NR6A1: variants seen among roughly 807,000 people sequenced by gnomAD.
NR6A1 encodes retinoic acid receptor-related testis-associated receptor.
A neutral mutation model predicts 59.1 loss-of-function variants in NR6A1; 7 were observed. The ratio of observed to expected loss-of-function variants is 0.12; its 90% CI spans 0.07 to 0.22. The LOEUF is 0.22. NR6A1 is among the 10% of genes least tolerant of loss of function. The probability of loss-of-function intolerance (pLI) is 1.00; values close to 1 mark genes in which losing one functional copy is unlikely to be tolerated. For missense variants in NR6A1, 468 were observed against 611.6 expected (o/e 0.77, Z 2.48); for synonymous variants, 243 against 236.1 (o/e 1.03, Z -0.27).
chr9:124,575,079 T>C lies in NR6A1; in HGVS notation c.143-20509A>G, dbSNP rs1834550442. 1.3e-5 allele frequency among the ~76,000 whole-genome samples: 2 copies of C among 152,196 alleles called. 1 individual carries two copies. The highest frequency in any genetic ancestry group is 4.1e-4 in the South Asian group (2 of 4,830). Reference sequence around the variant, plus strand: ...TGTGATGTTCCTGCCTATTGAAATATGGGCTTTCCCTCTTAGCTCTGGGAC... The same window carrying C: ...TGTGATGTTCCTGCCTATTGAAATACGGGCTTTCCCTCTTAGCTCTGGGAC... On this transcript the variant is annotated intron_variant, in intron 2 of 9. Coordinates refer to ENST00000487099, the MANE Select transcript of NR6A1 (RefSeq NM_033334.4).
intron 1 of NR6A1, among the ~76,000 whole-genome samples, chr9:124,763,047 T>A (rs1840823822): frequency 6.6e-6 from 1 of 152,226 alleles, no homozygotes; most frequent in Non-Finnish European, 1.5e-5. Flanking sequence ...TTATTTCAAG[T>A]ATTCCATGAA....
At chr9:124,663,914 T>A (rs576631441) in intron 2 of NR6A1, among the ~76,000 whole-genome samples, 1 of 151,320 alleles carries the variant, frequency 6.6e-6, no homozygotes, top group South Asian at 2.1e-4. Flanking sequence ...CCATTAAGTA[T>A]AAAAAAAAAG....
At chr9:124,705,171 C>T (rs1012872143) in intron 2 of NR6A1, among the ~76,000 whole-genome samples, 2 of 152,182 alleles carry the variant, frequency 1.3e-5, no homozygotes, top group African/African-American at 2.4e-5. Flanking sequence ...GTATATTTTG[C>T]ATAAAGTGTT....
At chr9:124,634,336 CT>C (rs1243973203) in intron 2 of NR6A1, among the ~76,000 whole-genome samples, 2 of 152,172 alleles carry the variant, frequency 1.3e-5, no homozygotes, top group Admixed American at 1.3e-4. Flanking sequence ...GAAATGTTTT[CT>C]TTTAAATTTT....
At chr9:124,587,052 T>TA (rs1834958445) in intron 2 of NR6A1, among the ~76,000 whole-genome samples, 2 of 152,342 alleles carry the variant, frequency 1.3e-5, no homozygotes, top group South Asian at 4.1e-4. Context: ...GAAACGGCCA[T>TA]AGCCATCCCC....
At chr9:124,636,814 T>C (rs978602622) in intron 2 of NR6A1, among the ~76,000 whole-genome samples, 3 of 152,220 alleles carry the variant, frequency 2.0e-5, no homozygotes, top group Non-Finnish European at 2.9e-5. Context: ...GTCTTGATTA[T>C]GGTACCCTCA....
intron 2 of NR6A1, among the ~76,000 whole-genome samples, chr9:124,711,050 A>T (rs1241722018): frequency 6.6e-6 from 1 of 152,082 alleles, no homozygotes; most frequent in Non-Finnish European, 1.5e-5. Flanking sequence ...AACCATACCC[A>T]ATTGTTAAAG....
chr9:124,667,000 T>C (rs1028682652), intron 2 of NR6A1, among the ~76,000 whole-genome samples: 1 of 152,112 alleles, frequency 6.6e-6, no homozygotes, highest in Non-Finnish European at 1.5e-5. Context: ...GTAGTAGCTA[T>C]GGTTTTACAA....
At chr9:124,672,472 G>A (rs952177206) in intron 2 of NR6A1, among the ~76,000 whole-genome samples, 2 of 152,058 alleles carry the variant, frequency 1.3e-5, no homozygotes, top group Admixed American at 1.3e-4. Context: ...AAAATTAGCC[G>A]AGTGTGATGG....
chr9:124,683,412 A>C (rs142838182), intron 2 of NR6A1, among the ~76,000 whole-genome samples: 352 of 152,356 alleles, frequency 2.3e-3, no homozygotes, highest in African/African-American at 8.3e-3. Flanking sequence ...AGTTTGGTCA[A>C]GTAATTACAA....
chr9:124,673,829 T>C (rs573100956), intron 2 of NR6A1, among the ~76,000 whole-genome samples: 4 of 152,292 alleles, frequency 2.6e-5, no homozygotes, highest in African/African-American at 9.6e-5. Context: ...AGGGCAATAA[T>C]TAATCAACAA....
intron 2 of NR6A1, among the ~76,000 whole-genome samples, chr9:124,703,113 C>A (rs1252530290): frequency 2.6e-5 from 4 of 151,970 alleles, no homozygotes; most frequent in Middle Eastern, 3.4e-3. Flanking sequence ...CCATGTTGGT[C>A]AAGCTGGTCT....
Position 124,520,904 on chromosome 9 carries a change from G to A in NR6A1, c.*1801C>T, listed in dbSNP as rs1246886900. The A allele has an allele frequency of 1.3e-5, 2 of 152,316 alleles. No homozygotes were observed. Among genetic ancestry groups the A allele is most frequent in the Non-Finnish European group, 2.9e-5 (2 of 68,036 alleles). The allele number at this position is 152,316 out of a possible 1,614,324, so 9.4% of individuals were successfully genotyped here. A position where few individuals can be genotyped will look rare whatever the true frequency, so the allele number is the denominator to read the frequency against. ...AAACGGCATTGAGGAGTAATGTTCC[G>A]AGTTTTAGATCCATCAAGGGCCAAA... is the stretch of plus-strand genomic sequence containing the variant. On this transcript the variant is annotated 3_prime_UTR_variant, in exon 10 of 10. Coordinates refer to ENST00000487099, the MANE Select transcript of NR6A1 (RefSeq NM_033334.4).
intron 2 of NR6A1, among the ~76,000 whole-genome samples, chr9:124,619,026 A>G (rs1203385065): frequency 2.6e-5 from 4 of 152,214 alleles, no homozygotes; most frequent in African/African-American, 7.2e-5. Flanking sequence ...AAGTAATGCC[A>G]TAAGTAAGCA....
intron 2 of NR6A1, 103 bp downstream of exon 2, chr9:124,733,205 C>G: frequency 1.2e-6 from 1 of 815,788 alleles, no homozygotes; most frequent in Non-Finnish European, 2.1e-6. Flanking sequence ...ATCTGAGAGT[C>G]AATAAAGTAA....
intron 1 of NR6A1, among the ~76,000 whole-genome samples, chr9:124,765,989 T>C (rs1466924413): frequency 6.6e-6 from 1 of 152,208 alleles, no homozygotes; most frequent in African/African-American, 2.4e-5. Flanking sequence ...CTTGTCTTTT[T>C]CTTAAAGACA....
chr9:124,744,612 A>G (rs929142408), intron 1 of NR6A1, among the ~76,000 whole-genome samples: 2 of 152,232 alleles, frequency 1.3e-5, no homozygotes, highest in South Asian at 4.1e-4. Flanking sequence ...CAGGACCTCA[A>G]CGTCCAAGAA....
At chr9:124,626,441 C>T (rs982977242) in intron 2 of NR6A1, among the ~76,000 whole-genome samples, 1 of 152,198 alleles carries the variant, frequency 6.6e-6, no homozygotes, top group African/African-American at 2.4e-5. Flanking sequence ...ACTCATACAT[C>T]TAGGATCTAG....
intron 2 of NR6A1, among the ~76,000 whole-genome samples, chr9:124,721,186 T>C (rs1839552885): frequency 6.6e-6 from 1 of 152,156 alleles, no homozygotes; most frequent in South Asian, 2.1e-4. Context: ...TCCAAGACTA[T>C]CCAAGGACCC....
Sources: allele counts gnomAD v4.1 joint callset (sites outside exome capture counted in the v4.1 genomes callset), GRCh38; gene constraint gnomAD v4.1.1; transcripts MANE v1.5; gene names NCBI Gene and HGNC (gene_info 2026-07-23, HGNC 2026-07-21).